The following JAKMIP2 variants were observed in gnomAD, a reference collection of about 807,000 sequenced individuals.
JAKMIP2 encodes janus kinase and microtubule interacting protein 2, also known as janus kinase and microtubule-interacting protein 2.
In JAKMIP2, 25 loss-of-function variants were observed where a neutral mutation model predicts 115.0. The ratio of observed to expected loss-of-function variants is 0.22; its 90% confidence interval spans 0.16 to 0.30. The LOEUF (loss-of-function observed/expected upper bound fraction) is 0.30. Among genes scored for constraint, JAKMIP2 ranks in the 10% least tolerant of loss-of-function variants. The pLI, the probability that JAKMIP2 is intolerant of heterozygous loss-of-function variation, is 1.00. For synonymous variants in JAKMIP2, 334 were observed against 343.6 expected (o/e 0.97, Z 0.31); for missense variants, 642 against 957.6 (o/e 0.67, Z 4.35).
At chr5:147,642,820 G>A (rs1757942855) in intron 7 of JAKMIP2, among the ~76,000 whole-genome samples, 1 of 152,150 alleles carries the variant, frequency 6.6e-6, no homozygotes, top group African/African-American at 2.4e-5. Context: ...TGTTGCCAAA[G>A]GAGGTTTAAC....
At chr5:147,658,243 T>C (rs1758776986) in intron 3 of JAKMIP2, among the ~76,000 whole-genome samples, 1 of 152,222 alleles carries the variant, frequency 6.6e-6, no homozygotes, top group African/African-American at 2.4e-5. Context: ...TGTTGTTTGC[T>C]AGTTTTTCTT....
chr5:147,650,613 G>T (rs1431931668), intron 3 of JAKMIP2, 66 bp from the exon 4 acceptor site: 2 of 1,263,098 alleles, frequency 1.6e-6, no homozygotes, highest in African/African-American at 1.5e-5. Context: ...TTTTACAATG[G>T]TGTAGGTTTA....
intron 16 of JAKMIP2, among the ~76,000 whole-genome samples, chr5:147,628,422 C>T (rs1338139250): frequency 6.6e-6 from 1 of 152,146 alleles, no homozygotes; most frequent in African/African-American, 2.4e-5. Context: ...TCCAGTTTAT[C>T]ATCGCCCCGC....
chr5:147,736,677 C>G (rs1201256100), intron 1 of JAKMIP2, among the ~76,000 whole-genome samples: 1 of 151,636 alleles, frequency 6.6e-6, no homozygotes, highest in Non-Finnish European at 1.5e-5. Context: ...AAACCCTGTA[C>G]TTTTATGAGG....
At chr5:147,599,130 T>G (rs542820258) in intron 21 of JAKMIP2, among the ~76,000 whole-genome samples, 10 of 152,272 alleles carry the variant, frequency 6.6e-5, no homozygotes, top group African/African-American at 2.4e-4. Flanking sequence ...CTAGTATAAT[T>G]TAGTGTAATT....
At chr5:147,744,058 CCTCT>C (rs1176485675) in intron 1 of JAKMIP2, among the ~76,000 whole-genome samples, 1 of 129,662 alleles carries the variant, frequency 7.7e-6, no homozygotes, top group Non-Finnish European at 1.6e-5. Context: ...TTCCTTCCTT[CCTCT>C]CTCTTTCTAT....
intron 1 of JAKMIP2, among the ~76,000 whole-genome samples, chr5:147,676,896 C>T (rs1220720568): frequency 1.3e-5 from 2 of 152,166 alleles, no homozygotes; most frequent in Non-Finnish European, 2.9e-5. Context: ...AGGAGGGCTT[C>T]CTGAATCTTT....
chr5:147,679,614 T>C (rs1361719422), intron 1 of JAKMIP2, among the ~76,000 whole-genome samples: 1 of 152,250 alleles, frequency 6.6e-6, no homozygotes, highest in Non-Finnish European at 1.5e-5. Flanking sequence ...ATGAAGCTCC[T>C]ACTCTGTGCC....
At chr5:147,750,893 CGACATCG>C in intron 1 of JAKMIP2, among the ~76,000 whole-genome samples, 1 of 149,744 alleles carries the variant, frequency 6.7e-6, no homozygotes, top group South Asian at 2.1e-4. Context: ...GTAATTACCT[CGACATCG>C]GACTTCCAAT....
intron 1 of JAKMIP2, among the ~76,000 whole-genome samples, chr5:147,739,056 T>A (rs1288094335): frequency 6.6e-6 from 1 of 152,076 alleles, no homozygotes; most frequent in Admixed American, 6.6e-5. Context: ...TGAAGGACGG[T>A]AGGTCACACC....
intron 1 of JAKMIP2, among the ~76,000 whole-genome samples, chr5:147,712,152 T>G (rs1752806628): frequency 6.6e-6 from 1 of 152,196 alleles, no homozygotes; most frequent in African/African-American, 2.4e-5. Flanking sequence ...CACCTTGGCT[T>G]TGCCGCCTGT....
rs1365272048 is a variant in JAKMIP2 at position 147,675,782 on chromosome 5, CATTT to C, written c.-148-3832_-148-3829del. Among the ~76,000 whole-genome samples, 229 of 126,784 alleles carry C rather than the reference CATTT, an allele frequency of 1.8e-3. 3 individuals carry two copies. The highest frequency in any genetic ancestry group is 0.01 in the East Asian group (47 of 4,640). 83.2% of individuals were successfully genotyped at this position (126,784 alleles called of 152,430 possible). ...ATTTTGTATAAGTGGAATCATATGACATTTTTTTTTTTTTTTTTTTTTTGTGACT... is the reference window on the plus strand; with the variant it reads ...ATTTTGTATAAGTGGAATCATATGACTTTTTTTTTTTTTTTTTTTGTGACT... On this transcript the variant is annotated intron_variant, in intron 1 of 21. Transcript: ENST00000616793.
intron 3 of JAKMIP2, chr5:147,660,337 T>C: frequency 3.1e-6 from 1 of 322,410 alleles, no homozygotes; most frequent in Non-Finnish European, 6.2e-6. Context: ...TACTTAGGGA[T>C]GACATCCAAT....
intron 1 of JAKMIP2, among the ~76,000 whole-genome samples, chr5:147,672,488 G>A (rs1187579770): frequency 6.6e-6 from 1 of 152,164 alleles, no homozygotes; most frequent in Non-Finnish European, 1.5e-5. Flanking sequence ...TATTGTTAGA[G>A]CTCTTTCCAT....
At chr5:147,773,255 T>C (rs190283063) in intron 1 of JAKMIP2, among the ~76,000 whole-genome samples, 1 of 152,266 alleles carries the variant, frequency 6.6e-6, no homozygotes, top group East Asian at 1.9e-4. Context: ...GCTCTTCCAC[T>C]GCTTCATCGG....
At chr5:147,631,007 C>T (rs1439196008) in intron 14 of JAKMIP2, among the ~76,000 whole-genome samples, 1 of 152,186 alleles carries the variant, frequency 6.6e-6, no homozygotes, top group Non-Finnish European at 1.5e-5. Flanking sequence ...TCTAACTCTG[C>T]AATTCCATAA....
At chr5:147,716,353 T>C (rs1282988678) in intron 1 of JAKMIP2, among the ~76,000 whole-genome samples, 23 of 144,068 alleles carry the variant, frequency 1.6e-4, no homozygotes, top group Non-Finnish European at 2.3e-4. Context: ...CCTTTGGGTA[T>C]ATACCCAGTA....
intron 1 of JAKMIP2, among the ~76,000 whole-genome samples, chr5:147,753,165 C>T (rs1331448127): frequency 6.6e-6 from 1 of 152,108 alleles, no homozygotes; most frequent in Non-Finnish European, 1.5e-5. Context: ...TCCGTCTCTA[C>T]CCCAGCACCT....
chr5:147,605,378 T>C (rs1182750929), intron 20 of JAKMIP2, among the ~76,000 whole-genome samples: 1 of 151,748 alleles, frequency 6.6e-6, no homozygotes, highest in Non-Finnish European at 1.5e-5. Flanking sequence ...CCCGGCTAAT[T>C]TTTTGTATTT....
Sources: allele counts gnomAD v4.1 joint callset (sites outside exome capture counted in the v4.1 genomes callset), GRCh38; gene constraint gnomAD v4.1.1; transcripts MANE v1.5; gene names NCBI Gene and HGNC (gene_info 2026-07-23, HGNC 2026-07-21).